Variants in DSCAM observed in about 807,000 individuals in gnomAD.
DSCAM encodes cell adhesion molecule DSCAM.
A neutral mutation model predicts 217.7 loss-of-function variants in DSCAM; 47 were observed. The observed-to-expected ratio is 0.22, with a 90% CI of 0.17 to 0.28. The LOEUF is 0.28. Among genes scored for constraint, DSCAM ranks in the 10% least tolerant of loss-of-function variants. The probability of loss-of-function intolerance (pLI) is 1.00; values close to 1 mark genes in which losing one functional copy is unlikely to be tolerated. For missense variants in DSCAM, 2,080 were observed against 2,618.3 expected, an observed-to-expected ratio of 0.79 and a Z score of 4.49; for synonymous variants, 1,056 against 1,015.3, an observed-to-expected ratio of 1.04 and a Z score of -0.76.
intron 3 of DSCAM, among the ~76,000 whole-genome samples, chr21:40,566,420 T>A (rs1293051801): frequency 6.6e-6 from 1 of 152,240 alleles, no homozygotes; most frequent in Non-Finnish European, 1.5e-5. Flanking sequence ...GACCTTCAAC[T>A]GCACCTAAGT....
intron 32 of DSCAM, among the ~76,000 whole-genome samples, chr21:40,022,419 C>T (rs74851761): frequency 0.04 from 6,163 of 152,294 alleles, 781 homozygotes; most frequent in East Asian, 0.4. Context: ...ATTCATAAGG[C>T]CAAGTGTTCC....
intron 10 of DSCAM, among the ~76,000 whole-genome samples, chr21:40,281,737 T>A (rs1045931889): frequency 6.6e-6 from 1 of 152,214 alleles, no homozygotes; most frequent in Non-Finnish European, 1.5e-5. Flanking sequence ...TTTTGTTTGT[T>A]TCTGTTTATA....
chr21:40,430,732 A>G (rs2075522818), intron 3 of DSCAM, among the ~76,000 whole-genome samples: 1 of 152,200 alleles, frequency 6.6e-6, no homozygotes. Context: ...ACTCCTGTCT[A>G]TCTTCCTCCT....
intron 8 of DSCAM, among the ~76,000 whole-genome samples, chr21:40,337,473 A>T (rs141422385): frequency 6.6e-6 from 1 of 152,328 alleles, no homozygotes; most frequent in Non-Finnish European, 1.5e-5. Flanking sequence ...GTATCCTTGG[A>T]TGAGTCTGAT....
chr21:40,536,228 G>C (rs952185042), intron 3 of DSCAM, among the ~76,000 whole-genome samples: 2 of 152,148 alleles, frequency 1.3e-5, no homozygotes, highest in Non-Finnish European at 2.9e-5. Context: ...GTTAAGGGTT[G>C]AGTTGTGACC....
intron 8 of DSCAM, among the ~76,000 whole-genome samples, chr21:40,326,707 G>A (rs1349330271): frequency 6.6e-6 from 1 of 152,122 alleles, no homozygotes; most frequent in Non-Finnish European, 1.5e-5. Flanking sequence ...AGAAAGGGCT[G>A]AGAGCTTAGT....
chr21:40,422,499 G>A (rs376930182), intron 3 of DSCAM, among the ~76,000 whole-genome samples: 18 of 151,852 alleles, frequency 1.2e-4, no homozygotes, highest in Admixed American at 5.3e-4. Flanking sequence ...AAAATTAGCC[G>A]GTCATGGTGG....
At chr21:40,178,644 CG>C (rs1266495472) in intron 15 of DSCAM, among the ~76,000 whole-genome samples, 1 of 152,134 alleles carries the variant, frequency 6.6e-6, no homozygotes, top group African/African-American at 2.4e-5. Flanking sequence ...AATTGTAAAA[CG>C]GCATGATTCT....
intron 19 of DSCAM, among the ~76,000 whole-genome samples, chr21:40,129,096 T>C (rs907075653): frequency 9.2e-5 from 14 of 152,102 alleles, no homozygotes; most frequent in Non-Finnish European, 1.6e-4. Context: ...ATTTTTCTGG[T>C]CTTAGTAAAC....
intron 11 of DSCAM, among the ~76,000 whole-genome samples, chr21:40,266,154 G>T (rs1418380663): frequency 1.3e-5 from 2 of 151,940 alleles, no homozygotes; most frequent in Non-Finnish European, 2.9e-5. Context: ...AAATCAGCAA[G>T]AAAAAACAGA....
intron 1 of DSCAM, among the ~76,000 whole-genome samples, chr21:40,788,161 T>C (rs1421287016): frequency 6.6e-5 from 10 of 152,240 alleles, no homozygotes; most frequent in Admixed American, 6.5e-4. Flanking sequence ...CTGAAATGAA[T>C]GCATGTTATT....
At chr21:40,391,089 A>C (rs2123754396) in intron 3 of DSCAM, among the ~76,000 whole-genome samples, 1 of 152,346 alleles carries the variant, frequency 6.6e-6, no homozygotes, top group Admixed American at 6.5e-5. Context: ...TGGATGATGC[A>C]GACCGCATGA....
intron 3 of DSCAM, among the ~76,000 whole-genome samples, chr21:40,562,164 A>C (rs2076725456): frequency 6.6e-6 from 1 of 152,166 alleles, no homozygotes; most frequent in African/African-American, 2.4e-5. Flanking sequence ...TCTTGACTGT[A>C]ATCCCCAGGT....
At chr21:40,526,578 G>C (rs2076402446) in intron 3 of DSCAM, among the ~76,000 whole-genome samples, 2 of 152,074 alleles carry the variant, frequency 1.3e-5, no homozygotes, top group South Asian at 2.1e-4. Context: ...TGAGGCCGGG[G>C]GGTGGGATTC....
chr21:40,021,559 C>G (rs1165520143), intron 32 of DSCAM, among the ~76,000 whole-genome samples: 1 of 152,202 alleles, frequency 6.6e-6, no homozygotes, highest in Non-Finnish European at 1.5e-5. Context: ...GGAGGGAACC[C>G]AGGCAGCTGC....
chr21:40,107,955 C>T (rs565880272), intron 20 of DSCAM, among the ~76,000 whole-genome samples: 2 of 152,190 alleles, frequency 1.3e-5, no homozygotes, highest in Non-Finnish European at 2.9e-5. Context: ...TTGGTAAAAT[C>T]CAACATCCAT....
At chr21:40,712,442 C>A (rs1023067416) in intron 1 of DSCAM, among the ~76,000 whole-genome samples, 2 of 137,010 alleles carry the variant, frequency 1.5e-5, no homozygotes, top group Non-Finnish European at 3.0e-5. Flanking sequence ...CGCAGTCCGA[C>A]CTGGGCGACA....
intron 18 of DSCAM, among the ~76,000 whole-genome samples, chr21:40,137,268 G>GC (rs1370133708): frequency 6.8e-6 from 1 of 148,060 alleles, no homozygotes; most frequent in Non-Finnish European, 1.5e-5. Context: ...ACATTGGGGG[G>GC]GGGGTTCAAG....
intron 3 of DSCAM, among the ~76,000 whole-genome samples, chr21:40,475,297 G>A (rs2075924195): frequency 6.6e-6 from 1 of 152,188 alleles, no homozygotes; most frequent in South Asian, 2.1e-4. Flanking sequence ...AAGGACACGA[G>A]GATGGCCCAT....
Sources: gnomAD v4.1 joint callset for allele counts (sites outside exome capture counted in the v4.1 genomes callset) on GRCh38, gnomAD v4.1.1 for gene constraint, MANE v1.5 for transcripts, NCBI Gene and HGNC (gene_info 2026-07-23, HGNC 2026-07-21) for gene names.